Variants in NAV2 observed in about 807,000 individuals in gnomAD.
The protein encoded by NAV2 is neuron navigator 2.
A neutral mutation model predicts 223.2 loss-of-function variants in NAV2; 54 were observed. That is an observed-to-expected ratio of 0.24 (90% CI 0.19 to 0.30). The LOEUF (loss-of-function observed/expected upper bound fraction) is 0.30, where lower values mean the gene tolerates loss of function less well. NAV2 is among the 10% of genes least tolerant of loss of function. The pLI is 1.00. For missense variants in NAV2, 2,806 were observed against 3,147.5 expected (o/e 0.89, Z 2.60); for synonymous variants, 1,279 against 1,239.3 (o/e 1.03, Z -0.67).
intron 1 of NAV2, among the ~76,000 whole-genome samples, chr11:19,559,681 C>A (rs557448991): frequency 6.6e-6 from 1 of 152,262 alleles, no homozygotes; most frequent in East Asian, 1.9e-4. Context: ...CTTCAAGAAG[C>A]GTCTATTGAT....
intron 1 of NAV2, among the ~76,000 whole-genome samples, chr11:19,771,201 A>G (rs906272872): frequency 1.3e-5 from 2 of 152,160 alleles, no homozygotes; most frequent in Non-Finnish European, 2.9e-5. Context: ...GCAACTTATA[A>G]TCCAGTTGTA....
At chr11:19,462,456 C>T (rs928711993) in intron 1 of NAV2, among the ~76,000 whole-genome samples, 4 of 152,186 alleles carry the variant, frequency 2.6e-5, no homozygotes, top group South Asian at 2.1e-4. Context: ...AGGATTCAGA[C>T]ACAACGTGCC....
chr11:19,412,818 C>T (rs922024876), intron 1 of NAV2, among the ~76,000 whole-genome samples: 3 of 152,308 alleles, frequency 2.0e-5, no homozygotes, highest in African/African-American at 4.8e-5. Flanking sequence ...CTCCAGCAGA[C>T]CTGCAGCAGA....
intron 24 of NAV2, among the ~76,000 whole-genome samples, chr11:20,079,394 C>T (rs1459328893): frequency 6.6e-6 from 1 of 152,100 alleles, no homozygotes; most frequent in Non-Finnish European, 1.5e-5. Flanking sequence ...GGGGCTAGAA[C>T]CTGATGAGTT....
At chr11:19,809,455 G>T (rs900060030) in intron 1 of NAV2, among the ~76,000 whole-genome samples, 2 of 152,112 alleles carry the variant, frequency 1.3e-5, no homozygotes, top group African/African-American at 2.4e-5. Flanking sequence ...TTTAAGACTA[G>T]ATTTAATTTT....
chr11:19,944,846 G>A (rs146774684), intron 8 of NAV2, among the ~76,000 whole-genome samples: 7,740 of 135,762 alleles, frequency 0.057, 295 homozygotes, highest in South Asian at 0.082. Context: ...TTGCCTTCTT[G>A]TCTTTCTGTC....
intron 1 of NAV2, among the ~76,000 whole-genome samples, chr11:19,562,852 A>G (rs1420749822): frequency 6.6e-6 from 1 of 152,208 alleles, no homozygotes; most frequent in Admixed American, 6.5e-5. Flanking sequence ...AGAGCCAATC[A>G]TATGTATTAA....
upstream of NAV2, among the ~76,000 whole-genome samples, chr11:19,710,019 C>T (rs1169795383): frequency 6.6e-6 from 1 of 152,114 alleles, no homozygotes; most frequent in Non-Finnish European, 1.5e-5. Context: ...ATTAGAAATA[C>T]TTTAAAAGAA....
At chr11:19,615,129 T>C (rs909050643) in intron 1 of NAV2, among the ~76,000 whole-genome samples, 1 of 152,030 alleles carries the variant, frequency 6.6e-6, no homozygotes, top group Non-Finnish European at 1.5e-5. Flanking sequence ...ACTCACCTAC[T>C]CAGGCTGACT....
chr11:19,653,256 G>C lies in NAV2; in HGVS notation c.76-179228G>C, dbSNP rs115880765. On this transcript the variant is annotated intron_variant, in intron 1 of 37. Transcript: ENST00000360655. ...TGGATGGCGGTGAAACATGGGAAAT[G>C]TACCAGCCTGAGTTCTTAAAGTATC... Among the ~76,000 whole-genome samples the C allele has an allele frequency of 1.8e-3, 280 of 152,320 alleles. 1 individual carries two copies. The highest frequency in any genetic ancestry group is 4.6e-3 in the African/African-American group (191 of 41,576).
At chr11:19,790,014 C>T (rs2057408072) in intron 1 of NAV2, among the ~76,000 whole-genome samples, 1 of 152,152 alleles carries the variant, frequency 6.6e-6, no homozygotes, top group Middle Eastern at 3.2e-3. Context: ...AAGCAACCCG[C>T]TAAGGCAAGT....
chr11:19,512,688 A>G (rs1346731143), intron 1 of NAV2, among the ~76,000 whole-genome samples: 1 of 152,224 alleles, frequency 6.6e-6, no homozygotes, highest in African/African-American at 2.4e-5. Flanking sequence ...ACCCTTTGCC[A>G]GGAGAAAAGA....
intron 1 of NAV2, among the ~76,000 whole-genome samples, chr11:19,623,640 A>G (rs2047076797): frequency 6.6e-6 from 1 of 152,190 alleles, no homozygotes; most frequent in South Asian, 2.1e-4. Flanking sequence ...TCTTCTCTAC[A>G]CTGGTTATTC....
At chr11:19,366,731 AT>A (rs907274108) in intron 1 of NAV2, among the ~76,000 whole-genome samples, 1 of 151,894 alleles carries the variant, frequency 6.6e-6, no homozygotes, top group African/African-American at 2.4e-5. Context: ...TTTTCAGGGA[AT>A]TTTTTTTCTG....
chr11:19,482,857 A>G (rs1019004920), intron 1 of NAV2, among the ~76,000 whole-genome samples: 4 of 152,186 alleles, frequency 2.6e-5, no homozygotes, highest in African/African-American at 7.2e-5. Flanking sequence ...CTGGAGAGGT[A>G]TGGGGACTCC....
In NAV2 at chr11:19,880,084, GCGC is replaced by G; in HGVS notation, c.729_731del (p.Pro244del). 6.2e-7 allele frequency: 1 copy of G among 1,610,596 alleles called. No homozygotes were observed. The highest frequency in any genetic ancestry group is 8.5e-7 in the Non-Finnish European group (1 of 1,177,592). ...AGCCCCGTGCCAGCCTCACCAGCCAGCGCCACATCAGCAGTCAAAAGCACAAGC... is the reference window on the plus strand; with the variant it reads ...AGCCCCGTGCCAGCCTCACCAGCCAGCACATCAGCAGTCAAAAGCACAAGC... On this transcript the variant is annotated inframe_deletion, in exon 5 of 38. Transcript: ENST00000349880.
At chr11:19,965,933 C>T (rs565078338) in intron 10 of NAV2, among the ~76,000 whole-genome samples, 33 of 152,308 alleles carry the variant, frequency 2.2e-4, no homozygotes, top group Admixed American at 1.8e-3. Context: ...TTCACTCCCA[C>T]GTCTCACTCC....
At chr11:19,739,990 A>G (rs2052653282) in intron 1 of NAV2, among the ~76,000 whole-genome samples, 1 of 152,184 alleles carries the variant, frequency 6.6e-6, no homozygotes, top group Non-Finnish European at 1.5e-5. Flanking sequence ...GGAGAGGGAA[A>G]GGAAGGTTCT....
At chr11:19,947,985 C>T (rs2047066464) in intron 9 of NAV2, among the ~76,000 whole-genome samples, 1 of 152,144 alleles carries the variant, frequency 6.6e-6, no homozygotes, top group Admixed American at 6.5e-5. Context: ...TGTGATGCAA[C>T]ATCCTAGAAT....
Sources: gnomAD v4.1 joint callset for allele counts (sites outside exome capture counted in the v4.1 genomes callset) on GRCh38, gnomAD v4.1.1 for gene constraint, MANE v1.5 for transcripts, NCBI Gene and HGNC (gene_info 2026-07-23, HGNC 2026-07-21) for gene names.